Variants in FAF1 observed in about 807,000 individuals in gnomAD.
FAF1 encodes the protein FAS-associated factor 1.
A neutral mutation model predicts 92.5 loss-of-function variants in FAF1; 25 were observed. The observed-to-expected ratio is 0.27, with a 90% confidence interval of 0.20 to 0.38. FAF1 has a LOEUF of 0.38. FAF1 is among the 10% of genes least tolerant of loss of function. The probability of loss-of-function intolerance (pLI) is 1.00; values close to 1 mark genes in which losing one functional copy is unlikely to be tolerated. For missense variants in FAF1, 636 were observed against 793.3 expected, an observed-to-expected ratio of 0.80 and a Z score of 2.38; for synonymous variants, 234 against 273.2, an observed-to-expected ratio of 0.86 and a Z score of 1.42.
intron 8 of FAF1, among the ~76,000 whole-genome samples, chr1:50,626,575 G>A (rs1003944520): frequency 1.2e-4 from 19 of 152,088 alleles, no homozygotes; most frequent in Admixed American, 6.6e-4. Flanking sequence ...CACTAAAGAA[G>A]TAAGCAAGAA....
intron 1 of FAF1, among the ~76,000 whole-genome samples, chr1:50,861,759 T>G (rs1414077919): frequency 1.3e-5 from 2 of 151,776 alleles, no homozygotes; most frequent in Non-Finnish European, 2.9e-5. Flanking sequence ...TACCAAAGAA[T>G]TTGTTTCAAG....
intron 14 of FAF1, among the ~76,000 whole-genome samples, chr1:50,537,132 TG>T (rs1648526789): frequency 6.6e-6 from 1 of 152,184 alleles, no homozygotes; most frequent in Non-Finnish European, 1.5e-5. Context: ...TGGGTTTCTA[TG>T]TTTTATTTAA....
chr1:50,952,859 C>T (rs1184971075), intron 1 of FAF1, among the ~76,000 whole-genome samples: 3 of 152,146 alleles, frequency 2.0e-5, no homozygotes, highest in Non-Finnish European at 4.4e-5. Context: ...AAGTGAGGAG[C>T]CCCTCTGCCC....
In FAF1 at chr1:50,819,634, T is replaced by TCACACA. The variant is rs1291338974; in HGVS notation, c.115-17958_115-17957insTGTGTG. On this transcript the variant is annotated intron_variant, in intron 2 of 18. Transcript: ENST00000396153. ...GAGCAAGACTGACCGACTGACTGAC[T>TCACACA]CACTCACACACACACACACACACAC... Among the ~76,000 whole-genome samples the TCACACA allele has an allele frequency of 6.7e-3, 579 of 86,302 alleles. 19 individuals carry two copies. The highest frequency in any genetic ancestry group is 0.034 in the African/African-American group (536 of 15,562). 56.6% of individuals were successfully genotyped at this position (86,302 alleles called of 152,430 possible).
At chr1:50,558,920 G>C (rs1649727964) in intron 13 of FAF1, among the ~76,000 whole-genome samples, 1 of 152,132 alleles carries the variant, frequency 6.6e-6, no homozygotes, top group South Asian at 2.1e-4. Flanking sequence ...TCGTAAATTG[G>C]TAATTTTAAA....
chr1:50,528,547 T>G (rs1213438909), intron 15 of FAF1, among the ~76,000 whole-genome samples: 2 of 152,204 alleles, frequency 1.3e-5, no homozygotes, highest in Non-Finnish European at 2.9e-5. Context: ...AAATTTTCTT[T>G]TATGGAAACT....
chr1:50,746,358 C>T lies in FAF1; in HGVS notation c.368-1583G>A, dbSNP rs1288818345. ...CACTCTTGTTGCCCAGGCTGGAGTGCGACGGCGTGATCTCTGCTCACCACA... is the reference window on the plus strand; with the variant it reads ...CACTCTTGTTGCCCAGGCTGGAGTGTGACGGCGTGATCTCTGCTCACCACA... On this transcript the variant is annotated intron_variant, in intron 4 of 18. Transcript: ENST00000396153. Among the ~76,000 whole-genome samples the T allele has an allele frequency of 1.8e-4, 22 of 123,884 alleles. 1 individual carries two copies. The highest frequency in any genetic ancestry group is 1.2e-3 in the Admixed American group (12 of 10,304). The allele number at this position is 123,884 out of a possible 152,430, so 81.3% of individuals were successfully genotyped here.
chr1:50,567,165 T>C lies in FAF1; in HGVS notation c.1180A>G (p.Met394Val), dbSNP rs1481663459. ...SVLTNVFCSQ[M>V]LCAESIVSYL... is the part of the protein sequence containing the mutation. Reference sequence around the variant, plus strand: ...GAAACAATGGATTCAGCACAAAGCATTTGTGAGCAGAACACGTTGGTTAAC... The same window carrying C: ...GAAACAATGGATTCAGCACAAAGCACTTGTGAGCAGAACACGTTGGTTAAC... The change falls in exon 13 of 19, where the codon ATG becomes GTG. Residue 394 changes from methionine to valine, a missense_variant. Physicochemically the swap from Met to Val is conservative, Grantham distance 21. This residue lies in a region of FAF1 where 319 missense variants were observed against 451.0 expected (regional missense o/e 0.71). Coordinates refer to ENST00000396153, the MANE Select transcript of FAF1 (RefSeq NM_007051.3). 2 of 1,610,974 alleles carry C rather than the reference T, an allele frequency of 1.2e-6. No individual in the cohort carries two copies. Among genetic ancestry groups the C allele is most frequent in the Middle Eastern group, 1.6e-4 (1 of 6,076 alleles).
chr1:50,856,741 T>C (rs973147567), intron 2 of FAF1, among the ~76,000 whole-genome samples: 1 of 151,762 alleles, frequency 6.6e-6, no homozygotes, highest in African/African-American at 2.4e-5. Flanking sequence ...ATATGTAACA[T>C]GTATATGCAG....
At chr1:50,490,801 C>G (rs1646830541) in intron 16 of FAF1, 136 bp from the exon 17 acceptor site, 4 of 675,270 alleles carry the variant, frequency 5.9e-6, no homozygotes, top group Non-Finnish European at 1.1e-5. Flanking sequence ...CAACATGACT[C>G]AGAGGTATAT....
At position 50,860,544 on chromosome 1, in the gene FAF1, T is replaced by C. The variant is rs111372167; in HGVS notation, c.46-2547A>G. ...AGAGAAATGCAAATCAAAACTACAA[T>C]GACATACCATCTCACACCAGTCAAA... On this transcript the variant is annotated intron_variant, in intron 1 of 18. Transcript: ENST00000396153. 7.9e-3 allele frequency among the ~76,000 whole-genome samples: 1,193 copies of C among 151,936 alleles called. 15 individuals carry two copies. The highest frequency in any genetic ancestry group is 0.026 in the African/African-American group (1,073 of 41,474).
At chr1:50,896,659 G>A (rs1041793076) in intron 1 of FAF1, among the ~76,000 whole-genome samples, 10 of 152,218 alleles carry the variant, frequency 6.6e-5, no homozygotes, top group Admixed American at 2.0e-4. Flanking sequence ...AGGACATTAT[G>A]CTAAATGAAA....
intron 8 of FAF1, among the ~76,000 whole-genome samples, chr1:50,626,300 T>C (rs748392052): frequency 2.0e-5 from 3 of 152,162 alleles, no homozygotes; most frequent in Non-Finnish European, 4.4e-5. Flanking sequence ...GGATTAGGTA[T>C]GCAATAATGA....
At chr1:50,750,391 T>C (rs754033385) in intron 4 of FAF1, among the ~76,000 whole-genome samples, 1 of 152,164 alleles carries the variant, frequency 6.6e-6, no homozygotes, top group African/African-American at 2.4e-5. Context: ...AATTGGATTA[T>C]GATTTATATG....
At chr1:50,794,999 A>C (rs1459316899) in intron 3 of FAF1, among the ~76,000 whole-genome samples, 1 of 152,168 alleles carries the variant, frequency 6.6e-6, no homozygotes, top group Non-Finnish European at 1.5e-5. Flanking sequence ...AAAGGATCTT[A>C]ATAACATAGA....
chr1:50,719,708 A>T (rs12085455), intron 6 of FAF1, among the ~76,000 whole-genome samples: 3,041 of 152,326 alleles, frequency 0.02, 101 homozygotes, highest in African/African-American at 0.07. Flanking sequence ...AAGCAAAGAA[A>T]TATTTATAGA....
At chr1:50,468,100 T>G (rs1373054689) in intron 18 of FAF1, among the ~76,000 whole-genome samples, 3 of 151,872 alleles carry the variant, frequency 2.0e-5, no homozygotes, top group Admixed American at 1.3e-4. Context: ...TCCCAGCTAC[T>G]CGGGAGGGTG....
At chr1:50,545,836 T>C (rs1377424778) in intron 13 of FAF1, among the ~76,000 whole-genome samples, 1 of 152,220 alleles carries the variant, frequency 6.6e-6, no homozygotes, top group Admixed American at 6.5e-5. Flanking sequence ...CACAGTTAAT[T>C]ACTGGATGTT....
At chr1:50,468,626 A>AT (rs1157439538) in intron 18 of FAF1, among the ~76,000 whole-genome samples, 1 of 151,984 alleles carries the variant, frequency 6.6e-6, no homozygotes, top group African/African-American at 2.4e-5. Flanking sequence ...CGCCTGGCTA[A>AT]TTTTTTGTAT....
Sources: gnomAD v4.1 joint callset for allele counts (sites outside exome capture counted in the v4.1 genomes callset) on GRCh38, gnomAD v4.1.1 for gene constraint, gnomAD v4.1.1 regional missense constraint, MANE v1.5 for transcripts, NCBI Gene and HGNC (gene_info 2026-07-23, HGNC 2026-07-21) for gene names.